Variants in GRIA4 observed in about 807,000 individuals in gnomAD.
GRIA4 encodes glutamate ionotropic receptor AMPA type subunit 4.
Under a neutral mutation model 104.0 loss-of-function variants are expected in GRIA4, and 34 were observed. The ratio of observed to expected loss-of-function variants is 0.33; its 90% CI spans 0.25 to 0.44. The LOEUF (loss-of-function observed/expected upper bound fraction) is 0.44. Ranked by LOEUF, GRIA4 falls within the 20% of genes least tolerant of loss-of-function variation. The pLI, the probability that GRIA4 is intolerant of heterozygous loss-of-function variation, is 1.00. For synonymous variants in GRIA4, 386 were observed against 381.9 expected (o/e 1.01, Z -0.13); for missense variants, 750 against 1,096.5 (o/e 0.68, Z 4.46).
chr11:105,625,544 C>T (rs982422356), intron 3 of GRIA4, among the ~76,000 whole-genome samples: 5 of 151,992 alleles, frequency 3.3e-5, no homozygotes, highest in Non-Finnish European at 7.4e-5. Flanking sequence ...CTGGATGTCC[C>T]CTGGACTTAT....
intron 3 of GRIA4, among the ~76,000 whole-genome samples, chr11:105,708,718 A>C (rs577723713): frequency 6.6e-6 from 1 of 152,080 alleles, no homozygotes; most frequent in Non-Finnish European, 1.5e-5. Context: ...ATGGATGATA[A>C]GGACCAGGTT....
intron 7 of GRIA4, among the ~76,000 whole-genome samples, chr11:105,901,864 G>A (rs1391756044): frequency 6.6e-6 from 1 of 151,718 alleles, no homozygotes; most frequent in African/African-American, 2.4e-5. Context: ...TCCTCCTTTG[G>A]TCCTCAAGTA....
chr11:105,628,445 G>C (rs1029967440), intron 3 of GRIA4, among the ~76,000 whole-genome samples: 1 of 152,096 alleles, frequency 6.6e-6, no homozygotes, highest in African/African-American at 2.4e-5. Flanking sequence ...TGTCGTTGGA[G>C]AGACCCGGAC....
intron 4 of GRIA4, among the ~76,000 whole-genome samples, chr11:105,821,954 G>A (rs1045459472): frequency 6.6e-6 from 1 of 152,106 alleles, no homozygotes; most frequent in Non-Finnish European, 1.5e-5. Flanking sequence ...CATTGCAGGT[G>A]AGCTAGACTC....
intron 3 of GRIA4, among the ~76,000 whole-genome samples, chr11:105,748,831 T>C (rs1939828413): frequency 6.6e-6 from 1 of 152,158 alleles, no homozygotes; most frequent in Non-Finnish European, 1.5e-5. Context: ...ATTGCAACCA[T>C]TTCTCAGAAA....
At chr11:105,912,934 T>C in intron 10 of GRIA4, 1 of 971,060 alleles carries the variant, frequency 1.0e-6, no homozygotes, top group Non-Finnish European at 1.2e-6. Context: ...ATATATGTGA[T>C]ACCTATATCT....
intron 11 of GRIA4, among the ~76,000 whole-genome samples, chr11:105,920,640 T>C (rs558516857): frequency 6.6e-6 from 1 of 152,132 alleles, no homozygotes; most frequent in South Asian, 2.1e-4. Context: ...ATGAAGGGAG[T>C]AGCATAATTA....
At chr11:105,713,132 C>G (rs1445686636) in intron 3 of GRIA4, among the ~76,000 whole-genome samples, 1 of 151,986 alleles carries the variant, frequency 6.6e-6, no homozygotes, top group Non-Finnish European at 1.5e-5. Flanking sequence ...CCTGTAATTC[C>G]AGCAATTTGA....
intron 10 of GRIA4, chr11:105,912,575 A>T (rs968351685): frequency 2.9e-6 from 1 of 347,956 alleles, no homozygotes; most frequent in African/African-American, 2.3e-5. Context: ...ATATTCTGTA[A>T]AGTTATATGT....
At chr11:105,814,736 A>G (rs1305728406) in intron 4 of GRIA4, among the ~76,000 whole-genome samples, 2 of 152,240 alleles carry the variant, frequency 1.3e-5, no homozygotes, top group African/African-American at 2.4e-5. Flanking sequence ...AAATATATAC[A>G]GAAATAAATG....
At chr11:105,634,467 G>GA in intron 3 of GRIA4, among the ~76,000 whole-genome samples, 2 of 90,216 alleles carry the variant, frequency 2.2e-5, no homozygotes, top group Non-Finnish European at 4.5e-5. Flanking sequence ...AAGAAAGAAA[G>GA]GGAAAGAAAG....
At chr11:105,845,876 G>T (rs921513962) in intron 4 of GRIA4, among the ~76,000 whole-genome samples, 3 of 152,076 alleles carry the variant, frequency 2.0e-5, no homozygotes, top group Non-Finnish European at 4.4e-5. Flanking sequence ...GGGCGACAGA[G>T]AGAGACTCCG....
intron 4 of GRIA4, among the ~76,000 whole-genome samples, chr11:105,817,680 T>A (rs1943433228): frequency 6.6e-6 from 1 of 152,126 alleles, no homozygotes; most frequent in South Asian, 2.1e-4. Flanking sequence ...TAGATTCTTG[T>A]AAGATTTATA....
At chr11:105,850,527 G>A (rs1282928612) in intron 4 of GRIA4, among the ~76,000 whole-genome samples, 1 of 152,150 alleles carries the variant, frequency 6.6e-6, no homozygotes, top group Non-Finnish European at 1.5e-5. Context: ...ACGGTTTAAT[G>A]TTTGATGTCC....
At chr11:105,941,354 G>T (rs1268290841) in intron 14 of GRIA4, among the ~76,000 whole-genome samples, 5 of 152,058 alleles carry the variant, frequency 3.3e-5, no homozygotes, top group Admixed American at 6.6e-5. Flanking sequence ...ACTTTGTGAA[G>T]CCATTTTAAT....
At chr11:105,832,274 G>C (rs1944003845) in intron 4 of GRIA4, among the ~76,000 whole-genome samples, 1 of 151,896 alleles carries the variant, frequency 6.6e-6, no homozygotes, top group Non-Finnish European at 1.5e-5. Context: ...TGAATGCAAA[G>C]ATGTCTGCTT....
rs113771495 is a variant in GRIA4 at position 105,861,169 on chromosome 11, C to A, written c.488-855C>A. On this transcript the variant is annotated intron_variant, in intron 4 of 16. Coordinates refer to ENST00000282499, the MANE Select transcript of GRIA4 (RefSeq NM_000829.4). ...GTGAAGACCATTCATTTTATTCTCT[C>A]ATGGCAGGCTGTCTTCACGTAATAA... 5.6e-4 allele frequency among the ~76,000 whole-genome samples: 85 copies of A among 152,212 alleles called. 1 individual carries two copies. Among genetic ancestry groups the A allele is most frequent in the African/African-American group, 2.0e-3 (82 of 41,538 alleles).
At position 105,918,719 on chromosome 11, in the gene GRIA4, C is replaced by G; in HGVS notation, c.1277C>G (p.Pro426Arg). 1 of 1,460,154 alleles carries G rather than the reference C, an allele frequency of 6.8e-7. No individual in the cohort carries two copies. Among genetic ancestry groups the G allele is most frequent in the Non-Finnish European group, 9.6e-7 (1 of 1,040,610 alleles). The allele number at this position is 1,460,154 out of a possible 1,614,324, so 90.4% of individuals were successfully genotyped here. ...CTACTTCTCTCATTATAGGAATCCC[C>G]ATATGTTATGTACAAGAAAAATCAT... ...TVVVTTIMESPYVMYKKNHEM... is the reference protein window; with the variant it reads ...TVVVTTIMESRYVMYKKNHEM... The change falls in exon 11 of 17, where the codon CCA becomes CGA. Residue 426 changes from proline to arginine, a missense_variant. Physicochemically the swap from Pro to Arg is moderately radical, Grantham distance 103 (BLOSUM62 -2). Transcript: ENST00000282499.
chr11:105,774,679 G>A (rs1440351870), intron 4 of GRIA4, among the ~76,000 whole-genome samples: 2 of 152,004 alleles, frequency 1.3e-5, no homozygotes, highest in East Asian at 3.8e-4. Context: ...AAAATTTATA[G>A]CCCTATCAAT....
Sources: allele counts gnomAD v4.1 joint callset (sites outside exome capture counted in the v4.1 genomes callset), GRCh38; gene constraint gnomAD v4.1.1; transcripts MANE v1.5; gene names NCBI Gene and HGNC (gene_info 2026-07-23, HGNC 2026-07-21).